Variants in GFRA1 observed in about 807,000 individuals in gnomAD.
GFRA1 encodes GDNF family receptor alpha-1.
Under a neutral mutation model 51.6 loss-of-function variants are expected in GFRA1, and 16 were observed. The ratio of observed to expected loss-of-function variants is 0.31; its 90% confidence interval spans 0.21 to 0.47. The LOEUF is 0.47. Ranked by LOEUF, GFRA1 falls within the 20% of genes least tolerant of loss-of-function variation. The pLI, the probability that GFRA1 is intolerant of heterozygous loss-of-function variation, is 1.00. For missense variants in GFRA1, 530 were observed against 594.3 expected (o/e 0.89, Z 1.13); for synonymous variants, 270 against 241.3 (o/e 1.12, Z -1.10).
Position 116,064,557 on chromosome 10 carries a change from A to G in GFRA1, c.1252-13T>C, listed in dbSNP as rs1375751039. The stretch of plus-strand genomic sequence containing the variant: ...TTTCATAATTACCCTGTAAGGAAGA[A>G]TGGTTTCATTATCATCCACTGCATG... On this transcript the variant is annotated splice_polypyrimidine_tract_variant and intron_variant, in intron 10 of 10. Coordinates refer to ENST00000355422, the MANE Select transcript of GFRA1 (RefSeq NM_005264.8). The G allele has an allele frequency of 6.2e-7, 1 of 1,609,082 alleles. No homozygotes were observed.
intron 6 of GFRA1, among the ~76,000 whole-genome samples, chr10:116,113,640 G>A (rs576340419): frequency 3.3e-5 from 5 of 152,312 alleles, no homozygotes; most frequent in African/African-American, 9.6e-5. Flanking sequence ...TGGGCAGTGC[G>A]GCATTCGGCA....
Position 116,064,100 on chromosome 10 carries a change from C to A in GFRA1, c.*298G>T. On this transcript the variant is annotated 3_prime_UTR_variant, in exon 11 of 11. Transcript: ENST00000355422. ...TGATGATCATCATCATGATCATCATCATCATCGAAAACACAGCCCCAGTTT... is the reference window on the plus strand; with the variant it reads ...TGATGATCATCATCATGATCATCATAATCATCGAAAACACAGCCCCAGTTT... The A allele has an allele frequency of 3.3e-6, 1 of 300,414 alleles. No homozygotes were observed. The highest frequency in any genetic ancestry group is 6.3e-6 in the Non-Finnish European group (1 of 158,164). The allele number at this position is 300,414 out of a possible 1,614,324, so 18.6% of individuals were successfully genotyped here.
intron 5 of GFRA1, among the ~76,000 whole-genome samples, chr10:116,127,609 C>T (rs897304643): frequency 2.0e-5 from 3 of 152,192 alleles, no homozygotes; most frequent in African/African-American, 4.8e-5. Context: ...TTCTCCATCT[C>T]GCTCTTTCTA....
At chr10:116,208,548 G>C (rs946125443) in intron 5 of GFRA1, among the ~76,000 whole-genome samples, 1 of 152,204 alleles carries the variant, frequency 6.6e-6, no homozygotes, top group South Asian at 2.1e-4. Context: ...AAGAACAAGG[G>C]AGGAGGAAAG....
intron 5 of GFRA1, among the ~76,000 whole-genome samples, chr10:116,197,433 C>G (rs1383757587): frequency 1.3e-5 from 2 of 152,104 alleles, no homozygotes; most frequent in East Asian, 3.9e-4. Flanking sequence ...ATAAGCTACC[C>G]AATTTATGGT....
chr10:116,092,138 C>CACACA (rs1232323825), intron 8 of GFRA1, among the ~76,000 whole-genome samples: 4 of 149,462 alleles, frequency 2.7e-5, no homozygotes, highest in East Asian at 2.0e-4. Flanking sequence ...CACACACACA[C>CACACA]ATTTTCAGTC....
chr10:116,100,516 T>TC lies in GFRA1; in HGVS notation c.771-3753dup, dbSNP rs201489082. Reference sequence around the variant, plus strand: ...CACTCAGGATGCCCAGGCCACAAGATCAAATGAGTAGTGATGGGAAAATAT... The same window carrying TC: ...CACTCAGGATGCCCAGGCCACAAGATCCAAATGAGTAGTGATGGGAAAATAT... On this transcript the variant is annotated intron_variant, in intron 6 of 10. Transcript: ENST00000355422. Among the ~76,000 whole-genome samples, 516 of 152,158 alleles carry TC rather than the reference T, an allele frequency of 3.4e-3. 5 individuals carry two copies. Among genetic ancestry groups the TC allele is most frequent in the African/African-American group, 0.012 (483 of 41,508 alleles).
rs1954853893 is a variant in GFRA1 at position 116,062,286 on chromosome 10, G to A, written c.*2112C>T. The stretch of plus-strand genomic sequence containing the variant: ...TGAAAACAAAATACACTCTGTAAGA[G>A]ATATGCGCTCATAGATAACTGGCAT... On this transcript the variant is annotated 3_prime_UTR_variant, in exon 11 of 11. Transcript: ENST00000355422. The A allele has an allele frequency of 2.5e-6, 1 of 396,272 alleles. No individual in the cohort carries two copies. Among genetic ancestry groups the A allele is most frequent in the Admixed American group, 4.4e-5 (1 of 22,690 alleles). 24.5% of individuals were successfully genotyped at this position (396,272 alleles called of 1,614,324 possible). A position where few individuals can be genotyped will look rare whatever the true frequency, so the allele number is the denominator to read the frequency against.
At chr10:116,126,879 C>T (rs557653041) in intron 5 of GFRA1, among the ~76,000 whole-genome samples, 111 of 152,202 alleles carry the variant, frequency 7.3e-4, no homozygotes, top group Non-Finnish European at 1.3e-3. Context: ...ATTTGCTGCA[C>T]GTCTAAAGGG....
chr10:116,085,300 C>G (rs1434651783), intron 9 of GFRA1, among the ~76,000 whole-genome samples: 1 of 152,194 alleles, frequency 6.6e-6, no homozygotes, highest in Non-Finnish European at 1.5e-5. Flanking sequence ...AATGTTAAGA[C>G]TGAAACTCAA....
intron 5 of GFRA1, among the ~76,000 whole-genome samples, chr10:116,185,005 C>G (rs577010158): frequency 6.6e-6 from 1 of 152,076 alleles, no homozygotes; most frequent in Admixed American, 6.5e-5. Context: ...GTTTTTCCAT[C>G]GAAAAATATA....
chr10:116,132,721 A>G (rs932974300), intron 5 of GFRA1, among the ~76,000 whole-genome samples: 1 of 152,152 alleles, frequency 6.6e-6, no homozygotes, highest in East Asian at 1.9e-4. Flanking sequence ...TCACCCGGTA[A>G]GAAGATTGAT....
intron 5 of GFRA1, among the ~76,000 whole-genome samples, chr10:116,151,074 C>G (rs896379718): frequency 1.1e-4 from 16 of 151,886 alleles, no homozygotes; most frequent in Non-Finnish European, 2.1e-4. Context: ...TGAGCCACAT[C>G]TGACTAAACT....
chr10:116,215,350 T>C (rs1381465327), intron 4 of GFRA1, among the ~76,000 whole-genome samples: 2 of 152,178 alleles, frequency 1.3e-5, no homozygotes, highest in African/African-American at 2.4e-5. Flanking sequence ...ATTCCTACCA[T>C]TCGCTACCCT....
chr10:116,089,982 A>T, intron 8 of GFRA1, 60 bp from the exon 9 acceptor site: 1 of 1,441,310 alleles, frequency 6.9e-7, no homozygotes, highest in Non-Finnish European at 9.5e-7. Context: ...AACAGACAGG[A>T]TATACACAGC....
intron 5 of GFRA1, among the ~76,000 whole-genome samples, chr10:116,170,070 C>A (rs1338506204): frequency 1.3e-5 from 2 of 152,162 alleles, no homozygotes; most frequent in East Asian, 3.9e-4. Context: ...AGCAGCTGAG[C>A]AAAGGAGCCA....
chr10:116,069,378 AC>A lies in GFRA1; in HGVS notation c.1198-3753del, dbSNP rs1955268773. 2.0e-5 allele frequency among the ~76,000 whole-genome samples: 3 copies of A among 152,194 alleles called. No homozygotes were observed. In the South Asian group the frequency reaches 6.2e-4, roughly 31 times the overall value. The stretch of plus-strand genomic sequence containing the variant: ...GGAAACACCACCACTGAAATATAGT[AC>A]CTTGAGGTTTTCATCTTGAGAACGG... On this transcript the variant is annotated intron_variant, in intron 9 of 10. Transcript: ENST00000355422.
At chr10:116,106,165 AAAGAACTC>A (rs1384887218) in intron 6 of GFRA1, among the ~76,000 whole-genome samples, 1 of 152,164 alleles carries the variant, frequency 6.6e-6, no homozygotes, top group African/African-American at 2.4e-5. Context: ...CAGCCTCCAG[AAAGAACTC>A]AGCCCTGCTG....
chr10:116,124,662 G>A lies in GFRA1; in HGVS notation c.770+559C>T, dbSNP rs763517605. Among the ~76,000 whole-genome samples, 6 of 152,322 alleles carry A rather than the reference G, an allele frequency of 3.9e-5. No homozygotes were observed. In the South Asian group the frequency reaches 1.2e-3, roughly 32 times the overall value. The stretch of plus-strand genomic sequence containing the variant: ...CATCATCCAGGCTCAGCAGGTTTCT[G>A]GTGGAGGCTGAGATCTGGGAGATGA... On this transcript the variant is annotated intron_variant, in intron 6 of 10. Coordinates refer to ENST00000355422, the MANE Select transcript of GFRA1 (RefSeq NM_005264.8).
Sources: gnomAD v4.1 joint callset for allele counts (sites outside exome capture counted in the v4.1 genomes callset) on GRCh38, gnomAD v4.1.1 for gene constraint, MANE v1.5 for transcripts, NCBI Gene and HGNC (gene_info 2026-07-23, HGNC 2026-07-21) for gene names.